The following IQSEC1 variants were observed in gnomAD, a reference collection of about 807,000 sequenced individuals.
The protein encoded by IQSEC1 is IQ motif and SEC7 domain-containing protein 1.
In IQSEC1, 31 loss-of-function variants were observed where a neutral mutation model predicts 91.0. The observed-to-expected ratio is 0.34, with a 90% CI of 0.26 to 0.46. The LOEUF is 0.46. Among genes scored for constraint, IQSEC1 ranks in the 20% least tolerant of loss-of-function variants. IQSEC1 has a pLI of 1.00. For synonymous variants in IQSEC1, 699 were observed against 662.6 expected, an observed-to-expected ratio of 1.05 and a Z score of -0.84; for missense variants, 1,388 against 1,575.6, an observed-to-expected ratio of 0.88 and a Z score of 2.02.
chr3:13,009,764 G>A (rs568757615), intron 1 of IQSEC1, among the ~76,000 whole-genome samples: 2 of 151,694 alleles, frequency 1.3e-5, no homozygotes, highest in South Asian at 4.2e-4. Flanking sequence ...GAAGCTGACA[G>A]TGCGTTGAGA....
At chr3:13,192,527 G>C (rs999432999) in intron 1 of IQSEC1, among the ~76,000 whole-genome samples, 10 of 152,152 alleles carry the variant, frequency 6.6e-5, no homozygotes, top group Non-Finnish European at 1.3e-4. Flanking sequence ...TGCGGAGGTG[G>C]AGGTGGAGAC....
intron 1 of IQSEC1, among the ~76,000 whole-genome samples, chr3:13,006,557 G>T (rs1006832201): frequency 8.5e-5 from 13 of 152,268 alleles, no homozygotes; most frequent in Non-Finnish European, 1.3e-4. Flanking sequence ...GCATAGCCAA[G>T]GGCAACCAGC....
intron 1 of IQSEC1, among the ~76,000 whole-genome samples, chr3:13,195,774 G>A (rs1422315291): frequency 1.3e-5 from 2 of 152,194 alleles, no homozygotes; most frequent in Non-Finnish European, 2.9e-5. Flanking sequence ...GACGGTGGTG[G>A]TGGGCACGAC....
intron 1 of IQSEC1, among the ~76,000 whole-genome samples, chr3:13,187,650 C>T (rs903879507): frequency 6.6e-6 from 1 of 152,180 alleles, no homozygotes; most frequent in Admixed American, 6.5e-5. Flanking sequence ...CATTTATACA[C>T]TAAATAATAA....
At chr3:12,993,279 T>C (rs1576130157) in intron 1 of IQSEC1, among the ~76,000 whole-genome samples, 1 of 152,212 alleles carries the variant, frequency 6.6e-6, no homozygotes, top group African/African-American at 2.4e-5. Flanking sequence ...CACACGGGGT[T>C]GGGAGGCAGG....
chr3:13,143,370 G>C (rs1254896231), intron 2 of IQSEC1, among the ~76,000 whole-genome samples: 1 of 152,214 alleles, frequency 6.6e-6, no homozygotes, highest in Non-Finnish European at 1.5e-5. Flanking sequence ...TGGTCAGAGA[G>C]GGAAAAATGC....
intron 1 of IQSEC1, among the ~76,000 whole-genome samples, chr3:13,066,942 A>G (rs1705256114): frequency 6.6e-6 from 1 of 152,250 alleles, no homozygotes; most frequent in Admixed American, 6.5e-5. Context: ...TGAATGAGCC[A>G]GCATGCCTGG....
In IQSEC1 at chr3:13,278,834, T is replaced by TGG. The variant is rs369219000; in HGVS notation, c.272+3875_272+3876dup. Among the ~76,000 whole-genome samples, 667 of 94,094 alleles carry TGG rather than the reference T, an allele frequency of 7.1e-3. 3 individuals carry two copies. Among genetic ancestry groups the TGG allele is most frequent in the African/African-American group, 0.021 (627 of 30,016 alleles). 61.7% of individuals were successfully genotyped at this position (94,094 alleles called of 152,430 possible). A position where few individuals can be genotyped will look rare whatever the true frequency, so the allele number is the denominator to read the frequency against. On this transcript the variant is annotated intron_variant, in intron 1 of 15. Coordinates refer to the IQSEC1 transcript ENST00000648114. ...GACTCCGTCTTGGTGAGGGGCAGGG[T>TGG]GGGGGGGGACAGGGAAGAGCAGGGA...
Position 13,014,921 on chromosome 3 carries a change from T to C in IQSEC1, c.23+58071A>G, listed in dbSNP as rs553729149. Among the ~76,000 whole-genome samples, 237 of 152,170 alleles carry C rather than the reference T, an allele frequency of 1.6e-3. 5 individuals carry two copies. Among genetic ancestry groups the C allele is most frequent in the South Asian group, 0.014 (66 of 4,822 alleles). On this transcript the variant is annotated intron_variant, in intron 1 of 13. Coordinates refer to ENST00000613206, the MANE Select transcript of IQSEC1 (RefSeq NM_001134382.3). ...GGACACATACTGGGCTACTGCCAGA[T>C]GGGAAATGGCCCCAGCGAGCCTGGG...
At chr3:13,199,962 A>G (rs572600544) in intron 1 of IQSEC1, among the ~76,000 whole-genome samples, 3 of 147,662 alleles carry the variant, frequency 2.0e-5, no homozygotes, top group African/African-American at 7.6e-5. Context: ...ACACACATAC[A>G]CATACACCAC....
intron 1 of IQSEC1, among the ~76,000 whole-genome samples, 157 bp downstream of exon 1, chr3:13,072,835 C>A (rs958744867): frequency 3.3e-5 from 5 of 152,210 alleles, no homozygotes; most frequent in African/African-American, 1.2e-4. Flanking sequence ...GCTGCAGGGG[C>A]CGAGCGCCGG....
intron 2 of IQSEC1, among the ~76,000 whole-genome samples, chr3:13,098,401 C>A (rs947299236): frequency 3.3e-5 from 5 of 152,104 alleles, no homozygotes; most frequent in Non-Finnish European, 5.9e-5. Flanking sequence ...TTGAAGGATG[C>A]AGAGGAGTTC....
At chr3:13,066,833 C>T (rs1250737529) in intron 1 of IQSEC1, among the ~76,000 whole-genome samples, 1 of 152,208 alleles carries the variant, frequency 6.6e-6, no homozygotes, top group Non-Finnish European at 1.5e-5. Context: ...ACAGGCGTAG[C>T]CCACAGGCCT....
chr3:13,067,506 A>T, intron 1 of IQSEC1, among the ~76,000 whole-genome samples: 1 of 152,236 alleles, frequency 6.6e-6, no homozygotes. Context: ...TGACCAACAC[A>T]TTCCAGGTAG....
chr3:13,252,082 T>G (rs1344126079), intron 1 of IQSEC1, among the ~76,000 whole-genome samples: 2 of 152,178 alleles, frequency 1.3e-5, no homozygotes, highest in African/African-American at 2.4e-5. Context: ...TTTTCAAGTG[T>G]ACAGTTCAGT....
At chr3:12,910,211 T>A (rs1488261507) in intron 10 of IQSEC1, among the ~76,000 whole-genome samples, 2 of 152,228 alleles carry the variant, frequency 1.3e-5, no homozygotes, top group Non-Finnish European at 2.9e-5. Flanking sequence ...ATATAAAAGA[T>A]AACTGAGCTG....
upstream of IQSEC1, among the ~76,000 whole-genome samples, chr3:13,077,114 C>A (rs1002070641): frequency 6.6e-6 from 1 of 151,540 alleles, no homozygotes; most frequent in Admixed American, 6.6e-5. Context: ...CCATAGCACA[C>A]TACAGCCTCA....
At chr3:13,176,372 A>G (rs538410186) in intron 1 of IQSEC1, among the ~76,000 whole-genome samples, 2 of 152,112 alleles carry the variant, frequency 1.3e-5, no homozygotes, top group East Asian at 3.9e-4. Flanking sequence ...CTGCTACTAG[A>G]GTCCTCCCCT....
chr3:12,925,711 G>A (rs1697064219), intron 3 of IQSEC1, among the ~76,000 whole-genome samples: 1 of 152,238 alleles, frequency 6.6e-6, no homozygotes, highest in Non-Finnish European at 1.5e-5. Flanking sequence ...GGTGTGTGCA[G>A]AACCAGGCCT....
Sources: gnomAD v4.1 joint callset for allele counts (sites outside exome capture counted in the v4.1 genomes callset) on GRCh38, gnomAD v4.1.1 for gene constraint, MANE v1.5 for transcripts, NCBI Gene and HGNC (gene_info 2026-07-23, HGNC 2026-07-21) for gene names.